The following SPATS1 variants were observed in gnomAD, a reference collection of about 807,000 sequenced individuals.
SPATS1 encodes spermatogenesis-associated serine-rich protein 1.
In SPATS1, 23 loss-of-function variants were observed where a neutral mutation model predicts 33.6. The observed-to-expected ratio is 0.68, with a 90% CI of 0.49 to 0.97. The LOEUF (loss-of-function observed/expected upper bound fraction) is 0.97, where lower values mean the gene tolerates loss of function less well. Ranked by LOEUF, SPATS1 falls within the 50% of genes least tolerant of loss-of-function variation. The pLI, the probability that SPATS1 is intolerant of heterozygous loss-of-function variation, is 0.00. For synonymous variants in SPATS1, 131 were observed against 125.6 expected (o/e 1.04, Z -0.29); for missense variants, 327 against 361.0 (o/e 0.91, Z 0.76).
chr6:44,377,209 T>C lies in SPATS1; in HGVS notation c.*146T>C. ...TTTGCTTTTTTAAAACTTTATATTT[T>C]GAAAACTTTCACATTTACATAAAAG... is the stretch of plus-strand genomic sequence containing the variant. On this transcript the variant is annotated 3_prime_UTR_variant, in exon 9 of 9. Transcript: ENST00000674044. 1.0e-6 allele frequency: 1 copy of C among 966,226 alleles called. No homozygotes were observed. Among genetic ancestry groups the C allele is most frequent in the Non-Finnish European group, 1.6e-6 (1 of 641,282 alleles). 59.9% of individuals were successfully genotyped at this position (966,226 alleles called of 1,614,324 possible). A position where few individuals can be genotyped will look rare whatever the true frequency, so the allele number is the denominator to read the frequency against.
chr6:44,364,216 A>T (rs958314768), intron 5 of SPATS1, among the ~76,000 whole-genome samples: 1 of 152,238 alleles, frequency 6.6e-6, no homozygotes, highest in Non-Finnish European at 1.5e-5. Context: ...ACAATTCCAT[A>T]TCATAATATC....
chr6:44,367,178 C>T (rs1583091667), intron 5 of SPATS1, among the ~76,000 whole-genome samples: 1 of 152,168 alleles, frequency 6.6e-6, no homozygotes. Flanking sequence ...ACCTCCGTCT[C>T]CCGGGTTTAA....
chr6:44,354,610 A>G (rs916117193), intron 3 of SPATS1, among the ~76,000 whole-genome samples: 1 of 152,064 alleles, frequency 6.6e-6, no homozygotes, highest in Admixed American at 6.6e-5. Context: ...GTTCCTATGT[A>G]CTCCCTGCCC....
At chr6:44,346,721 C>T (rs1337865484) in intron 2 of SPATS1, among the ~76,000 whole-genome samples, 1 of 152,030 alleles carries the variant, frequency 6.6e-6, no homozygotes, top group Non-Finnish European at 1.5e-5. Flanking sequence ...CATCTTTTGC[C>T]CTTTTTTTTT....
intron 2 of SPATS1, among the ~76,000 whole-genome samples, chr6:44,343,874 G>C (rs1364549370): frequency 4.6e-5 from 7 of 152,052 alleles, no homozygotes; most frequent in Non-Finnish European, 5.9e-5. Flanking sequence ...TGGCCTGAGT[G>C]CTGCAAAAAG....
intron 2 of SPATS1, among the ~76,000 whole-genome samples, chr6:44,346,203 A>G (rs950754030): frequency 2.0e-5 from 3 of 151,706 alleles, no homozygotes; most frequent in Admixed American, 2.0e-4. Flanking sequence ...GGGTGGGAGC[A>G]TCACTTGAGT....
chr6:44,347,023 A>G (rs769755246), intron 2 of SPATS1, among the ~76,000 whole-genome samples: 3 of 152,198 alleles, frequency 2.0e-5, no homozygotes, highest in Non-Finnish European at 4.4e-5. Context: ...GCACATATAC[A>G]CCATGGAATA....
chr6:44,361,637 C>T (rs1229625690), intron 4 of SPATS1, 194 bp from the exon 5 acceptor site: 4 of 747,364 alleles, frequency 5.4e-6, no homozygotes, highest in Non-Finnish European at 6.5e-6. Flanking sequence ...GATAGCTCTC[C>T]CCTGACTTCC....
chr6:44,366,859 T>C (rs1173297898), intron 5 of SPATS1, among the ~76,000 whole-genome samples: 1 of 152,226 alleles, frequency 6.6e-6, no homozygotes, highest in Non-Finnish European at 1.5e-5. Flanking sequence ...ATGATAACTC[T>C]GCAAAGTAGC....
intron 2 of SPATS1, among the ~76,000 whole-genome samples, chr6:44,344,556 A>T (rs920219296): frequency 5.3e-5 from 8 of 152,182 alleles, no homozygotes; most frequent in African/African-American, 1.9e-4. Flanking sequence ...GGTGGGAAAT[A>T]GTGTTTGGTT....
intron 2 of SPATS1, among the ~76,000 whole-genome samples, chr6:44,345,633 A>G (rs973817282): frequency 1.1e-4 from 17 of 152,316 alleles, no homozygotes; most frequent in Admixed American, 4.6e-4. Context: ...ACCTATGGCC[A>G]AAAATTACCA....
rs570572078 is a variant in SPATS1 at position 44,350,739 on chromosome 6, G to C, written c.140-1987G>C. Among the ~76,000 whole-genome samples the C allele has an allele frequency of 2.2e-4, 33 of 152,322 alleles. No individual in the cohort carries two copies. In the Middle Eastern group the frequency reaches 0.014, roughly 63 times the overall value. The stretch of plus-strand genomic sequence containing the variant: ...CTGAGTAGCAGTCCTGCTGATAGAT[G>C]GTGGGAATTTGCATAGTTTACACTA... On this transcript the variant is annotated intron_variant, in intron 2 of 8. Coordinates refer to ENST00000674044, the MANE Select transcript of SPATS1 (RefSeq NM_001372081.1).
At chr6:44,370,140 T>G in intron 7 of SPATS1, 27 bp downstream of exon 7, 1 of 1,577,944 alleles carries the variant, frequency 6.3e-7, no homozygotes, top group Non-Finnish European at 8.7e-7. Flanking sequence ...TGTTTTGTGT[T>G]ATCCCATCTT....
At chr6:44,354,197 G>C (rs9349282) in intron 3 of SPATS1, among the ~76,000 whole-genome samples, 112,350 of 151,406 alleles carry the variant, frequency 0.74, 41,990 homozygotes, top group Admixed American at 0.79. Context: ...AGCCGGGCCT[G>C]GGGGTGTGCA....
chr6:44,380,057 G>A lies in SPATS1; in HGVS notation c.*2994G>A, dbSNP rs1790133826. On this transcript the variant is annotated 3_prime_UTR_variant, in exon 9 of 9. Transcript: ENST00000674044. ...GAGAAAGGCCACATGGGAAAAATAT[G>A]TGCATATCATAGCTGTTCCAGCTTT... 6.6e-6 allele frequency among the ~76,000 whole-genome samples: 1 copy of A among 152,172 alleles called. No individual in the cohort carries two copies. Among genetic ancestry groups the A allele is most frequent in the Non-Finnish European group, 1.5e-5 (1 of 68,026 alleles).
intron 5 of SPATS1, among the ~76,000 whole-genome samples, chr6:44,366,387 G>C (rs990873161): frequency 6.6e-5 from 10 of 152,070 alleles, no homozygotes; most frequent in Admixed American, 6.6e-4. Context: ...GCCTCCCAAA[G>C]TGCTGGGATT....
chr6:44,345,566 A>G (rs1167871204), intron 2 of SPATS1, among the ~76,000 whole-genome samples: 2 of 152,188 alleles, frequency 1.3e-5, no homozygotes, highest in Non-Finnish European at 2.9e-5. Flanking sequence ...CTCAAGTCCT[A>G]TAGTGGCAAT....
intron 7 of SPATS1, 126 bp downstream of exon 7, chr6:44,370,239 G>T: frequency 2.5e-6 from 2 of 800,754 alleles, no homozygotes; most frequent in South Asian, 1.7e-5. Flanking sequence ...CCAGCAGGAG[G>T]GTGGGGCAGT....
intron 3 of SPATS1, among the ~76,000 whole-genome samples, chr6:44,359,176 G>A (rs536128434): frequency 8.5e-5 from 13 of 152,216 alleles, no homozygotes; most frequent in African/African-American, 3.1e-4. Context: ...GCCCAGGCTG[G>A]TCTCAAACAC....
Sources: gnomAD v4.1 joint callset for allele counts (sites outside exome capture counted in the v4.1 genomes callset) on GRCh38, gnomAD v4.1.1 for gene constraint, MANE v1.5 for transcripts, NCBI Gene and HGNC (gene_info 2026-07-23, HGNC 2026-07-21) for gene names.